The following PPARGC1A variants were observed in gnomAD, a reference collection of about 807,000 sequenced individuals.
The protein encoded by PPARGC1A is peroxisome proliferator-activated receptor gamma coactivator 1-alpha.
PPARGC1A carries 25 observed loss-of-function variants against 88.7 expected under a neutral mutation model. That is an observed-to-expected ratio of 0.28 (90% confidence interval 0.21 to 0.39). PPARGC1A has a LOEUF of 0.39. Ranked by LOEUF, PPARGC1A falls within the 10% of genes least tolerant of loss-of-function variation. The probability of loss-of-function intolerance (pLI) is 1.00; values close to 1 mark genes in which losing one functional copy is unlikely to be tolerated. For synonymous variants in PPARGC1A, 363 were observed against 355.6 expected (o/e 1.02, Z -0.24); for missense variants, 880 against 968.7 (o/e 0.91, Z 1.22).
intron 1 of PPARGC1A, among the ~76,000 whole-genome samples, chr4:23,888,085 A>G (rs1241098256): frequency 6.6e-6 from 1 of 152,218 alleles, no homozygotes; most frequent in Admixed American, 6.5e-5. Context: ...TGATTCAAAA[A>G]ATGAAAACTG....
At chr4:24,353,387 TAAA>T in the PPARGC1A span, among the ~76,000 whole-genome samples, 3 of 141,732 alleles carry the variant, frequency 2.1e-5, no homozygotes, top group Non-Finnish European at 3.1e-5. Context: ...TCTGTGGGCT[TAAA>T]AAAAAAAAAA....
chr4:24,141,155 A>G, the PPARGC1A span, among the ~76,000 whole-genome samples: 2 of 152,236 alleles, frequency 1.3e-5, no homozygotes, highest in Non-Finnish European at 2.9e-5. Context: ...GCAGAAAAAA[A>G]TCCCTTGCTC....
chr4:24,461,923 C>T, the PPARGC1A span, among the ~76,000 whole-genome samples: 1 of 151,804 alleles, frequency 6.6e-6, no homozygotes, highest in Non-Finnish European at 1.5e-5. Flanking sequence ...CCCTCTTCTC[C>T]AAATGACCAC....
the PPARGC1A span, among the ~76,000 whole-genome samples, chr4:23,925,206 C>A: frequency 0.013 from 2,049 of 152,194 alleles, 43 homozygotes; most frequent in African/African-American, 0.046. Context: ...TTACTTTGGT[C>A]ATTGAAAGAG....
At chr4:24,377,246 T>C in the PPARGC1A span, among the ~76,000 whole-genome samples, 1 of 152,066 alleles carries the variant, frequency 6.6e-6, no homozygotes, top group South Asian at 2.1e-4. Flanking sequence ...TGAGTATGCC[T>C]AGGCTTAAAT....
At chr4:24,117,386 T>C in the PPARGC1A span, among the ~76,000 whole-genome samples, 17 of 152,222 alleles carry the variant, frequency 1.1e-4, no homozygotes, top group African/African-American at 4.1e-4. Context: ...CAAACTAAGG[T>C]TGCTGGATGA....
At chr4:23,836,168 G>T (rs1725973673) in intron 2 of PPARGC1A, among the ~76,000 whole-genome samples, 1 of 152,178 alleles carries the variant, frequency 6.6e-6, no homozygotes, top group Non-Finnish European at 1.5e-5. Flanking sequence ...AAAAGAAAAT[G>T]CAGAGTAGGG....
At chr4:24,018,694 T>C in the PPARGC1A span, among the ~76,000 whole-genome samples, 3 of 152,226 alleles carry the variant, frequency 2.0e-5, no homozygotes, top group Admixed American at 1.3e-4. Flanking sequence ...TGTTTTCTGA[T>C]GGAATGACAA....
At chr4:24,160,824 A>G in the PPARGC1A span, among the ~76,000 whole-genome samples, 1 of 152,210 alleles carries the variant, frequency 6.6e-6, no homozygotes, top group Non-Finnish European at 1.5e-5. Context: ...GCAATTTAGA[A>G]ATATGCTTTG....
At chr4:23,821,329 T>C (rs778978573) in intron 7 of PPARGC1A, among the ~76,000 whole-genome samples, 1 of 152,040 alleles carries the variant, frequency 6.6e-6, no homozygotes, top group Admixed American at 6.6e-5. Context: ...AAGTACCTAT[T>C]TAGGGAGTGC....
chr4:24,055,501 G>A, the PPARGC1A span, among the ~76,000 whole-genome samples: 3 of 152,188 alleles, frequency 2.0e-5, no homozygotes, highest in Non-Finnish European at 4.4e-5. Context: ...GACAAGAAAA[G>A]TGCTAAGCAT....
chr4:23,993,977 T>A, the PPARGC1A span, among the ~76,000 whole-genome samples: 2 of 152,088 alleles, frequency 1.3e-5, no homozygotes, highest in African/African-American at 4.8e-5. Context: ...ATTAAAAAGG[T>A]TGTCATTTGT....
rs1717158534 is a variant in PPARGC1A at position 23,794,467 on chromosome 4, T to TGC, written c.*1353_*1354dup. 1 of 152,504 alleles carries TGC rather than the reference T, an allele frequency of 6.6e-6. No individual in the cohort carries two copies. The highest frequency in any genetic ancestry group is 6.6e-5 in the Admixed American group (1 of 15,258). 9.4% of individuals were successfully genotyped at this position (152,504 alleles called of 1,614,324 possible). The stretch of plus-strand genomic sequence containing the variant: ...TTGAAGCTCACCTAAGGGATGGATG[T>TGC]GCGGAAAGCATCATTTTGCTCTTGT... On this transcript the variant is annotated 3_prime_UTR_variant, in exon 13 of 13. Coordinates refer to ENST00000264867, the MANE Select transcript of PPARGC1A (RefSeq NM_013261.5).
At chr4:24,247,581 C>G in the PPARGC1A span, among the ~76,000 whole-genome samples, 1 of 152,202 alleles carries the variant, frequency 6.6e-6, no homozygotes, top group African/African-American at 2.4e-5. Flanking sequence ...CAGCTATACA[C>G]TAAGAATTAT....
At chr4:23,853,521 T>C (rs1270071509) in intron 2 of PPARGC1A, among the ~76,000 whole-genome samples, 1 of 152,138 alleles carries the variant, frequency 6.6e-6, no homozygotes, top group Non-Finnish European at 1.5e-5. Context: ...ATGGGACAGG[T>C]TTCCATCATA....
the PPARGC1A span, among the ~76,000 whole-genome samples, chr4:24,270,557 A>G: frequency 6.6e-6 from 1 of 152,188 alleles, no homozygotes; most frequent in Non-Finnish European, 1.5e-5. Flanking sequence ...AAGATTATGA[A>G]CATGAATTTC....
At chr4:24,204,903 A>C in the PPARGC1A span, among the ~76,000 whole-genome samples, 2 of 152,060 alleles carry the variant, frequency 1.3e-5, no homozygotes, top group African/African-American at 2.4e-5. Context: ...GGCTCACCGC[A>C]ACCTCTACCT....
At chr4:23,901,823 G>A (rs768278549), upstream of PPARGC1A, among the ~76,000 whole-genome samples, 3 of 151,922 alleles carry the variant, frequency 2.0e-5, no homozygotes, top group Non-Finnish European at 2.9e-5. Context: ...TCATATAATC[G>A]CTTCTTAAAT....
At chr4:24,269,824 A>G in the PPARGC1A span, among the ~76,000 whole-genome samples, 1 of 152,196 alleles carries the variant, frequency 6.6e-6, no homozygotes, top group Admixed American at 6.5e-5. Context: ...TAGCTCTTTC[A>G]GTGTTAACTT....
Sources: allele counts gnomAD v4.1 joint callset (sites outside exome capture counted in the v4.1 genomes callset), GRCh38; gene constraint gnomAD v4.1.1; transcripts MANE v1.5; gene names NCBI Gene and HGNC (gene_info 2026-07-23, HGNC 2026-07-21).